ANOS1: variants seen among roughly 807,000 people sequenced by gnomAD.
ANOS1 encodes anosmin 1, also known as anosmin-1.
ANOS1 carries 6 observed loss-of-function variants against 59.0 expected under a neutral mutation model. The ratio of observed to expected loss-of-function variants is 0.10; its 90% CI spans 0.06 to 0.20. The LOEUF (loss-of-function observed/expected upper bound fraction) is 0.20, where lower values mean the gene tolerates loss of function less well. Ranked by LOEUF, ANOS1 falls within the 10% of genes least tolerant of loss-of-function variation. The probability of loss-of-function intolerance (pLI) is 1.00; values close to 1 mark genes in which losing one functional copy is unlikely to be tolerated. For synonymous variants in ANOS1, 217 were observed against 223.4 expected, an observed-to-expected ratio of 0.97 and a Z score of 0.25; for missense variants, 433 against 542.3, an observed-to-expected ratio of 0.80 and a Z score of 2.00.
intron 2 of ANOS1, among the ~76,000 whole-genome samples, chrX:8,691,452 A>C (rs1346226118): frequency 8.9e-6 from 1 of 112,045 alleles, no homozygotes; most frequent in Non-Finnish European, 1.9e-5. Flanking sequence ...CAAAGGAAAA[A>C]TCCCATAGAT....
chrX:8,708,523 C>T (rs1294937142), intron 1 of ANOS1, among the ~76,000 whole-genome samples: 2 of 112,150 alleles, frequency 1.8e-5, no homozygotes, highest in Non-Finnish European at 3.8e-5. Flanking sequence ...AGCTCATCAT[C>T]ACTGGTCATT....
intron 2 of ANOS1, among the ~76,000 whole-genome samples, chrX:8,691,492 C>CA (rs1314375142): frequency 9.1e-6 from 1 of 109,697 alleles, no homozygotes; most frequent in Middle Eastern, 4.2e-3. Flanking sequence ...AAATGATAGA[C>CA]AGATTAAGAT....
At chrX:8,628,376 C>T (rs5933672) in intron 2 of ANOS1, among the ~76,000 whole-genome samples, 37,838 of 111,049 alleles carry the variant, frequency 0.34, 5,181 homozygotes, top group Middle Eastern at 0.52. Flanking sequence ...CATGCCATTG[C>T]TCTGCCTATG....
At chrX:8,624,011 C>CTT (rs566769185) in intron 2 of ANOS1, among the ~76,000 whole-genome samples, 121 of 69,360 alleles carry the variant, frequency 1.7e-3, no homozygotes, top group East Asian at 4.4e-3. Flanking sequence ...CTTTTCTTTT[C>CTT]TTTTTTTTTT....
chrX:8,715,978 A>G (rs1360256282), intron 1 of ANOS1, among the ~76,000 whole-genome samples: 1 of 110,998 alleles, frequency 9.0e-6, no homozygotes, highest in African/African-American at 3.3e-5. Context: ...GAGCCAAGTA[A>G]GAGGCTCTGT....
Position 8,533,252 on chromosome X carries a change from C to T in ANOS1, c.1985-199G>A, listed in dbSNP as rs113863604. ...TTTTTCTCTTCCTCTTTGATGTCTT[C>T]CCAAACTATAAAATAACAAGAAAAA... is the stretch of plus-strand genomic sequence containing the variant. On this transcript the variant is annotated intron_variant, in intron 13 of 13. Coordinates refer to ENST00000262648, the MANE Select transcript of ANOS1 (RefSeq NM_000216.4). Among the ~76,000 whole-genome samples the T allele has an allele frequency of 0.026, 2,871 of 111,551 alleles. 99 individuals carry two copies. Among genetic ancestry groups the T allele is most frequent in the African/African-American group, 0.088 (2,701 of 30,675 alleles).
At chrX:8,667,352 A>T (rs1179490189) in intron 2 of ANOS1, among the ~76,000 whole-genome samples, 4 of 110,185 alleles carry the variant, frequency 3.6e-5, no homozygotes, top group Non-Finnish European at 7.6e-5. Context: ...CTTGAGACAG[A>T]GCCTTGCTAT....
At chrX:8,573,126 C>A (rs1204270027) in intron 6 of ANOS1, among the ~76,000 whole-genome samples, 1 of 98,198 alleles carries the variant, frequency 1.0e-5, no homozygotes, top group African/African-American at 3.9e-5. Flanking sequence ...ATGGTGTGAT[C>A]TTGGCTCGCT....
At chrX:8,653,525 C>A (rs995235825) in intron 2 of ANOS1, among the ~76,000 whole-genome samples, 1 of 111,820 alleles carries the variant, frequency 8.9e-6, no homozygotes, top group African/African-American at 3.3e-5. Context: ...ATCCTGTAGG[C>A]TCCACCTTGA....
intron 8 of ANOS1, among the ~76,000 whole-genome samples, chrX:8,567,636 A>C (rs945197515): frequency 1.8e-5 from 2 of 111,496 alleles, no homozygotes; most frequent in African/African-American, 6.5e-5. Flanking sequence ...TCTACTAAAA[A>C]TACAGAAATT....
At chrX:8,547,845 T>C (rs1031054133) in intron 9 of ANOS1, among the ~76,000 whole-genome samples, 1 of 111,129 alleles carries the variant, frequency 9.0e-6, no homozygotes, top group African/African-American at 3.3e-5. Context: ...GTCTCCCAAG[T>C]AGCTGGGACT....
chrX:8,676,601 G>C (rs1001949323), intron 2 of ANOS1, among the ~76,000 whole-genome samples: 9 of 111,532 alleles, frequency 8.1e-5, no homozygotes, highest in African/African-American at 2.6e-4. Context: ...TAAAGACCTG[G>C]ACTCCACCCA....
rs150530914 is a variant in ANOS1, at chrX:8,691,701, T to C, written c.255+7997A>G. 4.2e-3 allele frequency among the ~76,000 whole-genome samples: 472 copies of C among 112,491 alleles called. 2 individuals are homozygous for C. Among genetic ancestry groups the C allele is most frequent in the African/African-American group, 0.014 (449 of 31,010 alleles). ...TATTTTCATTATCAATTTTCTACCA[T>C]TTGCAGAGTGGGAAAATAGTTCAAA... On this transcript the variant is annotated intron_variant, in intron 2 of 13. Transcript: ENST00000262648.
At chrX:8,724,997 T>C (rs951746204) in intron 1 of ANOS1, among the ~76,000 whole-genome samples, 3 of 111,644 alleles carry the variant, frequency 2.7e-5, no homozygotes, top group South Asian at 3.8e-4. Flanking sequence ...GTAAGTTAAA[T>C]GGAAAAGTTG....
rs549466685 is a variant in ANOS1 at position 8,639,323 on chromosome X, C to T, written c.256-15653G>A. 7.2e-4 allele frequency among the ~76,000 whole-genome samples: 80 copies of T among 111,228 alleles called. 1 individual carries two copies. In the South Asian group the frequency reaches 0.029, roughly 41 times the overall value. Reference sequence around the variant, plus strand: ...TAGGCAGCTTAATGTAATTTAATGCCACTACATGTAACAGTTTAACTGGAC... The same window carrying T: ...TAGGCAGCTTAATGTAATTTAATGCTACTACATGTAACAGTTTAACTGGAC... On this transcript the variant is annotated intron_variant, in intron 2 of 13. Transcript: ENST00000262648.
chrX:8,731,518 C>T (rs1320873298), intron 1 of ANOS1, among the ~76,000 whole-genome samples: 1 of 111,889 alleles, frequency 8.9e-6, no homozygotes, highest in Non-Finnish European at 1.9e-5. Context: ...TCCCGGGAAA[C>T]CGCCACATCC....
At chrX:8,656,565 C>T (rs1437223938) in intron 2 of ANOS1, among the ~76,000 whole-genome samples, 2 of 111,299 alleles carry the variant, frequency 1.8e-5, no homozygotes, top group Non-Finnish European at 3.8e-5. Flanking sequence ...GTCTAAGTTG[C>T]TAAGCTTTTC....
intron 5 of ANOS1, among the ~76,000 whole-genome samples, chrX:8,587,132 G>GGA (rs1569056199): frequency 1.2e-4 from 10 of 85,069 alleles, no homozygotes; most frequent in African/African-American, 4.2e-4. Flanking sequence ...GTGTGTGTGT[G>GGA]TGGGGGGGTG....
At chrX:8,704,259 G>A (rs759938601) in intron 1 of ANOS1, among the ~76,000 whole-genome samples, 1 of 111,790 alleles carries the variant, frequency 8.9e-6, no homozygotes, top group Non-Finnish European at 1.9e-5. Context: ...AGCAGCATGA[G>A]AACAGACTAA....
Sources: gnomAD v4.1 joint callset for allele counts (sites outside exome capture counted in the v4.1 genomes callset) on GRCh38, gnomAD v4.1.1 for gene constraint, MANE v1.5 for transcripts, NCBI Gene and HGNC (gene_info 2026-07-23, HGNC 2026-07-21) for gene names.